ACAP2: variants seen among roughly 807,000 people sequenced by gnomAD.
ACAP2 encodes ArfGAP with coiled-coil, ankyrin repeat and PH domains 2, also known as arf-GAP with coiled-coil, ANK repeat and PH domain-containing protein 2.
ACAP2 carries 39 observed loss-of-function variants against 115.8 expected under a neutral mutation model. The observed-to-expected ratio is 0.34, with a 90% CI of 0.26 to 0.44. The LOEUF is 0.44. Among genes scored for constraint, ACAP2 ranks in the 20% least tolerant of loss-of-function variants. The pLI is 1.00. For synonymous variants in ACAP2, 289 were observed against 315.8 expected, an observed-to-expected ratio of 0.92 and a Z score of 0.90; for missense variants, 662 against 927.6, an observed-to-expected ratio of 0.71 and a Z score of 3.72.
At chr3:195,339,726 C>T (rs1730747326) in intron 6 of ACAP2, among the ~76,000 whole-genome samples, 1 of 151,812 alleles carries the variant, frequency 6.6e-6, no homozygotes, top group Non-Finnish European at 1.5e-5. Context: ...CATGAGGAGG[C>T]AGTGTGAGGA....
chr3:195,339,007 G>A (rs1730696454), intron 6 of ACAP2, among the ~76,000 whole-genome samples: 1 of 152,162 alleles, frequency 6.6e-6, no homozygotes, highest in East Asian at 1.9e-4. Flanking sequence ...GAGGTGGGCA[G>A]ATCGCTTGAG....
At position 195,346,554 on chromosome 3, in the gene ACAP2, A is replaced by G. The variant is rs555283547; in HGVS notation, c.286-1237T>C. On this transcript the variant is annotated intron_variant, in intron 4 of 22. Transcript: ENST00000326793. ...AAAACTCAATCAAGGCTCAGTCAAG[A>G]AGAAACTGATACCCTGAACACAGCT... Among the ~76,000 whole-genome samples, 58 of 152,340 alleles carry G rather than the reference A, an allele frequency of 3.8e-4. No homozygotes were observed. The Middle Eastern group carries it at 0.017, about 45-fold the overall frequency.
chr3:195,355,980 T>C (rs993157040), intron 4 of ACAP2: 2 of 382,236 alleles, frequency 5.2e-6, no homozygotes, highest in Non-Finnish European at 1.1e-5. Context: ...CCACCGATTG[T>C]CCTCCCTGCA....
intron 4 of ACAP2, among the ~76,000 whole-genome samples, chr3:195,377,822 G>C (rs1733655916): frequency 1.3e-5 from 2 of 152,032 alleles, no homozygotes; most frequent in South Asian, 4.2e-4. Flanking sequence ...AATAATAAGG[G>C]AACAAAATAC....
chr3:195,404,901 G>A (rs1051296319), intron 1 of ACAP2, among the ~76,000 whole-genome samples: 4 of 151,232 alleles, frequency 2.6e-5, no homozygotes, highest in East Asian at 1.9e-4. Flanking sequence ...AGGTTCAAGC[G>A]ATTCTCCTGC....
intron 4 of ACAP2, among the ~76,000 whole-genome samples, chr3:195,375,843 T>C (rs1053761703): frequency 6.6e-6 from 1 of 152,066 alleles, no homozygotes; most frequent in Non-Finnish European, 1.5e-5. Flanking sequence ...GAGTCATACA[T>C]GTTCATAGAA....
chr3:195,320,025 T>C (rs1729347238), intron 10 of ACAP2, among the ~76,000 whole-genome samples: 1 of 151,666 alleles, frequency 6.6e-6, no homozygotes, highest in Non-Finnish European at 1.5e-5. Flanking sequence ...AGTGAGGGAG[T>C]TCTCACAAGA....
At chr3:195,372,891 T>C (rs547030049) in intron 4 of ACAP2, among the ~76,000 whole-genome samples, 1 of 141,528 alleles carries the variant, frequency 7.1e-6, no homozygotes, top group East Asian at 2.1e-4. Flanking sequence ...AAGAAATGCC[T>C]AATAATAAAC....
intron 8 of ACAP2, among the ~76,000 whole-genome samples, chr3:195,328,829 C>A (rs1459513559): frequency 6.6e-6 from 1 of 152,222 alleles, no homozygotes; most frequent in Non-Finnish European, 1.5e-5. Context: ...CCTGTAATCC[C>A]AGCACTTTGG....
intron 4 of ACAP2, among the ~76,000 whole-genome samples, chr3:195,348,788 G>A (rs1173119952): frequency 6.6e-6 from 1 of 152,076 alleles, no homozygotes; most frequent in Non-Finnish European, 1.5e-5. Context: ...AAAACTCTCA[G>A]GAATATAGAC....
intron 4 of ACAP2, among the ~76,000 whole-genome samples, chr3:195,354,943 T>A (rs7612694): frequency 0.83 from 125,835 of 152,194 alleles, 52,257 homozygotes; most frequent in East Asian, 0.94. Context: ...AGCTCACTGT[T>A]ACCTGTACTT....
Position 195,359,701 on chromosome 3 carries a change from T to C in ACAP2, c.286-14384A>G, listed in dbSNP as rs1577354861. Among the ~76,000 whole-genome samples, 2 of 152,282 alleles carry C rather than the reference T, an allele frequency of 1.3e-5. 1 individual carries two copies. The highest frequency in any genetic ancestry group is 3.9e-4 in the East Asian group (2 of 5,174). On this transcript the variant is annotated intron_variant, in intron 4 of 22. Transcript: ENST00000326793. Reference sequence around the variant, plus strand: ...CCAGGATGGTCTCGATCTCCTGCCCTCATGATCCGCCCGCCCCAGCCTCCC... The same window carrying C: ...CCAGGATGGTCTCGATCTCCTGCCCCCATGATCCGCCCGCCCCAGCCTCCC...
intron 5 of ACAP2, 35 bp from the exon 6 acceptor site, chr3:195,342,689 C>T: frequency 5.2e-6 from 8 of 1,544,856 alleles, no homozygotes; most frequent in Non-Finnish European, 7.0e-6. Flanking sequence ...ACTTTTATAA[C>T]TTGCTTCATT....
chr3:195,410,471 T>G (rs1321023266), intron 1 of ACAP2, among the ~76,000 whole-genome samples: 1 of 152,096 alleles, frequency 6.6e-6, no homozygotes, highest in African/African-American at 2.4e-5. Context: ...AAAAAATCCA[T>G]CCACAGAATG....
chr3:195,301,983 C>T lies in ACAP2; in HGVS notation c.1308G>A (p.Glu436=). The T allele has an allele frequency of 1.2e-6, 2 of 1,613,430 alleles. No homozygotes were observed. Among genetic ancestry groups the T allele is most frequent in the Non-Finnish European group, 1.7e-6 (2 of 1,180,026 alleles). Residue 436 remains glutamate (E), a synonymous_variant, in exon 14 of 23, where the codon GAG becomes GAA. Coordinates refer to ENST00000326793, the MANE Select transcript of ACAP2 (RefSeq NM_012287.6). ...SINLGITLCI[E]CSGIHRSLGV... ...CTACCCACCGGTGAATTCCGGAGCACTCGATACACAAGGTGATGCCCAGGT... is the reference window on the plus strand; with the variant it reads ...CTACCCACCGGTGAATTCCGGAGCATTCGATACACAAGGTGATGCCCAGGT...
chr3:195,436,907 A>G (rs973773003), intron 1 of ACAP2, among the ~76,000 whole-genome samples: 3 of 152,240 alleles, frequency 2.0e-5, no homozygotes, highest in Non-Finnish European at 2.9e-5. Context: ...GTTGCATTAC[A>G]TGAAACTTAA....
chr3:195,368,549 T>A (rs1172328473), intron 4 of ACAP2, among the ~76,000 whole-genome samples: 1 of 152,214 alleles, frequency 6.6e-6, no homozygotes, highest in Non-Finnish European at 1.5e-5. Context: ...TTTACCACAA[T>A]TTGTGTTATC....
intron 20 of ACAP2, among the ~76,000 whole-genome samples, chr3:195,291,119 G>A (rs1018661013): frequency 1.3e-5 from 2 of 152,206 alleles, no homozygotes; most frequent in African/African-American, 4.8e-5. Context: ...AGAAACAAGC[G>A]TTTAAGACAC....
intron 22 of ACAP2, among the ~76,000 whole-genome samples, chr3:195,280,490 G>A (rs1282822219): frequency 2.6e-5 from 4 of 152,006 alleles, no homozygotes; most frequent in African/African-American, 9.7e-5. Flanking sequence ...ATAAAAAAAA[G>A]AAAATGGCTT....
Sources: allele counts gnomAD v4.1 joint callset (sites outside exome capture counted in the v4.1 genomes callset), GRCh38; gene constraint gnomAD v4.1.1; transcripts MANE v1.5; gene names NCBI Gene and HGNC (gene_info 2026-07-23, HGNC 2026-07-21).